Variants in RAD51B observed in about 807,000 individuals in gnomAD.
The protein encoded by RAD51B is RAD51 paralog B.
A neutral mutation model predicts 42.2 loss-of-function variants in RAD51B; 38 were observed. That is an observed-to-expected ratio of 0.90 (90% CI 0.70 to 1.18). The LOEUF is 1.18. Among genes scored for constraint, RAD51B ranks in the 50% most tolerant of loss-of-function variants. RAD51B has a pLI of 0.00. For synonymous variants in RAD51B, 154 were observed against 145.2 expected (o/e 1.06, Z -0.43); for missense variants, 373 against 400.7 (o/e 0.93, Z 0.59).
chr14:67,891,565 G>C (rs1448011768), intron 7 of RAD51B, among the ~76,000 whole-genome samples: 1 of 151,914 alleles, frequency 6.6e-6, no homozygotes, highest in Non-Finnish European at 1.5e-5. Flanking sequence ...CATATAACAA[G>C]GTTAAATTTT....
chr14:68,326,927 CCA>C, intron 8 of RAD51B, among the ~76,000 whole-genome samples: 1 of 151,934 alleles, frequency 6.6e-6, no homozygotes, highest in Non-Finnish European at 1.5e-5. Flanking sequence ...CTGAGACCTT[CCA>C]TCAAGAGGCA....
chr14:67,957,688 G>C (rs939090422), intron 7 of RAD51B, among the ~76,000 whole-genome samples: 4 of 152,108 alleles, frequency 2.6e-5, no homozygotes, highest in Admixed American at 1.3e-4. Flanking sequence ...CCCCCAAATA[G>C]TTTACTTGGT....
At chr14:68,318,340 AG>A (rs1271125158) in intron 8 of RAD51B, among the ~76,000 whole-genome samples, 1 of 152,204 alleles carries the variant, frequency 6.6e-6, no homozygotes, top group Non-Finnish European at 1.5e-5. Context: ...AACCTTTGAA[AG>A]AGTAGTCACT....
chr14:68,322,899 C>A (rs1182746322), intron 8 of RAD51B, among the ~76,000 whole-genome samples: 2 of 152,180 alleles, frequency 1.3e-5, no homozygotes. Flanking sequence ...ACCAGGAATG[C>A]TTTTAGCTAG....
intron 7 of RAD51B, among the ~76,000 whole-genome samples, chr14:68,072,269 G>A (rs2076765061): frequency 6.9e-6 from 1 of 145,002 alleles, no homozygotes; most frequent in African/African-American, 2.6e-5. Flanking sequence ...TGTATATATA[G>A]GAGTTTATTA....
intron 8 of RAD51B, among the ~76,000 whole-genome samples, chr14:68,378,082 A>G (rs2083408053): frequency 1.3e-5 from 2 of 152,204 alleles, no homozygotes; most frequent in Non-Finnish European, 2.9e-5. Flanking sequence ...AGGACTCCAC[A>G]TATCACTCCA....
chr14:68,522,197 G>C (rs1025555853), intron 10 of RAD51B, among the ~76,000 whole-genome samples: 1 of 152,220 alleles, frequency 6.6e-6, no homozygotes, highest in Admixed American at 6.5e-5. Context: ...GGTTCTCTGA[G>C]ATAGCTCTTA....
chr14:68,521,358 GA>G (rs1441710059), intron 10 of RAD51B, among the ~76,000 whole-genome samples: 1 of 152,200 alleles, frequency 6.6e-6, no homozygotes, highest in African/African-American at 2.4e-5. Context: ...GCCAGCCAGT[GA>G]ATTGAACTGG....
chr14:68,479,464 G>T (rs1414657146), downstream of RAD51B, among the ~76,000 whole-genome samples: 33 of 152,058 alleles, frequency 2.2e-4, 1 homozygote. Context: ...CAGAGGAAAG[G>T]AATGTCCTTA....
At chr14:68,644,945 A>T (rs1265509010) in intron 10 of RAD51B, among the ~76,000 whole-genome samples, 2 of 152,112 alleles carry the variant, frequency 1.3e-5, no homozygotes, top group Admixed American at 6.6e-5. Context: ...TATAACTTTG[A>T]CCCTACTCAG....
intron 8 of RAD51B, among the ~76,000 whole-genome samples, chr14:68,323,564 G>A (rs1431446869): frequency 1.3e-5 from 2 of 152,192 alleles, no homozygotes; most frequent in Non-Finnish European, 2.9e-5. Flanking sequence ...GGCCAAGGCA[G>A]GTGGATCACT....
chr14:67,880,874 G>C (rs1326896648), intron 5 of RAD51B, among the ~76,000 whole-genome samples: 1 of 152,082 alleles, frequency 6.6e-6, no homozygotes, highest in Non-Finnish European at 1.5e-5. Context: ...TTTCTATGTT[G>C]TTATGGAAAA....
intron 7 of RAD51B, among the ~76,000 whole-genome samples, chr14:68,104,176 G>A (rs2077338195): frequency 6.6e-6 from 1 of 152,146 alleles, no homozygotes; most frequent in South Asian, 2.1e-4. Context: ...AGAAGTTTTA[G>A]TATTTAGTGC....
At chr14:68,269,960 A>T (rs188557509) in intron 7 of RAD51B, among the ~76,000 whole-genome samples, 1 of 152,332 alleles carries the variant, frequency 6.6e-6, no homozygotes, top group East Asian at 1.9e-4. Flanking sequence ...GTCATGCACA[A>T]CTGCCAATTG....
At chr14:67,848,401 A>C (rs2041694627) in intron 4 of RAD51B, among the ~76,000 whole-genome samples, 1 of 152,098 alleles carries the variant, frequency 6.6e-6, no homozygotes, top group Non-Finnish European at 1.5e-5. Flanking sequence ...CTGGTATAAG[A>C]ATAGTGACTT....
At chr14:67,835,009 G>A in intron 3 of RAD51B, 71 bp from the exon 4 acceptor site, 1 of 1,179,814 alleles carries the variant, frequency 8.5e-7, no homozygotes, top group South Asian at 1.3e-5. Context: ...AAAATTTAGA[G>A]AATTAAAGTT....
intron 6 of RAD51B, chr14:67,886,513 A>G (rs2043065818): frequency 9.1e-6 from 2 of 220,628 alleles, no homozygotes; most frequent in East Asian, 6.6e-5. Context: ...GGGCCTCTCC[A>G]TAAATCACAA....
At chr14:68,017,694 C>T (rs1308369610) in intron 7 of RAD51B, among the ~76,000 whole-genome samples, 2 of 151,790 alleles carry the variant, frequency 1.3e-5, no homozygotes, top group African/African-American at 4.8e-5. Context: ...AATTTTAGGC[C>T]AGGCATGGTG....
intron 7 of RAD51B, among the ~76,000 whole-genome samples, chr14:68,060,765 T>A (rs2076554831): frequency 6.6e-6 from 1 of 152,244 alleles, no homozygotes; most frequent in Non-Finnish European, 1.5e-5. Flanking sequence ...TAATTGGACA[T>A]CTAATTAGCA....
Sources: allele counts gnomAD v4.1 joint callset (sites outside exome capture counted in the v4.1 genomes callset), GRCh38; gene constraint gnomAD v4.1.1; transcripts MANE v1.5; gene names NCBI Gene and HGNC (gene_info 2026-07-23, HGNC 2026-07-21).